SLIT2: variants seen among roughly 807,000 people sequenced by gnomAD.
SLIT2 encodes the protein slit homolog 2 protein.
Under a neutral mutation model 185.7 loss-of-function variants are expected in SLIT2, and 41 were observed. The observed-to-expected ratio is 0.22, with a 90% CI of 0.17 to 0.29. The LOEUF (loss-of-function observed/expected upper bound fraction) is 0.29, where lower values mean the gene tolerates loss of function less well. SLIT2 is among the 10% of genes least tolerant of loss of function. The probability of loss-of-function intolerance (pLI) is 1.00; values close to 1 mark genes in which losing one functional copy is unlikely to be tolerated. For synonymous variants in SLIT2, 693 were observed against 680.2 expected (o/e 1.02, Z -0.29); for missense variants, 1,571 against 1,909.0 (o/e 0.82, Z 3.30).
intron 4 of SLIT2, among the ~76,000 whole-genome samples, chr4:20,355,033 A>G (rs1722212776): frequency 6.6e-6 from 1 of 152,090 alleles, no homozygotes; most frequent in South Asian, 2.1e-4. Context: ...GTTATTGCTT[A>G]AAATGATTTG....
At chr4:20,514,129 T>C (rs182037898) in intron 11 of SLIT2, among the ~76,000 whole-genome samples, 35 of 152,272 alleles carry the variant, frequency 2.3e-4, no homozygotes, top group Middle Eastern at 6.8e-3. Flanking sequence ...GTATGTAGTT[T>C]ACTACAAAAA....
At chr4:20,584,883 C>T (rs1270136749) in intron 29 of SLIT2, among the ~76,000 whole-genome samples, 4 of 151,946 alleles carry the variant, frequency 2.6e-5, no homozygotes, top group Non-Finnish European at 5.9e-5. Context: ...GGTGAAACCC[C>T]GTCTCTACTT....
At chr4:20,399,742 A>G (rs570550708) in intron 4 of SLIT2, among the ~76,000 whole-genome samples, 11 of 151,800 alleles carry the variant, frequency 7.2e-5, no homozygotes, top group Admixed American at 1.3e-4. Flanking sequence ...CAGTGATATT[A>G]CACTATGTAA....
intron 4 of SLIT2, among the ~76,000 whole-genome samples, chr4:20,432,317 G>C (rs1253712728): frequency 6.6e-6 from 1 of 152,134 alleles, no homozygotes; most frequent in African/African-American, 2.4e-5. Flanking sequence ...AATAGGATTA[G>C]GGGCGTTACG....
intron 4 of SLIT2, among the ~76,000 whole-genome samples, chr4:20,275,038 G>A (rs1054711791): frequency 2.0e-5 from 3 of 151,922 alleles, no homozygotes; most frequent in African/African-American, 2.4e-5. Flanking sequence ...AAAATATATC[G>A]TATACACATA....
intron 4 of SLIT2, among the ~76,000 whole-genome samples, chr4:20,354,906 TGAGAGAGAGAGAGAGA>T (rs35761202): frequency 1.3e-5 from 1 of 76,998 alleles, no homozygotes; most frequent in East Asian, 4.9e-4. Context: ...TGTGTGTGTG[TGAGAGAGAGAGAGAGA>T]GAGAGAGAGA....
chr4:20,277,364 A>C (rs1338644510), intron 4 of SLIT2, among the ~76,000 whole-genome samples: 1 of 152,088 alleles, frequency 6.6e-6, no homozygotes, highest in African/African-American at 2.4e-5. Flanking sequence ...GACCCTTTAA[A>C]AAAATATTAA....
chr4:20,491,792 T>C lies in SLIT2; in HGVS notation c.807T>C (p.Ser269=). The C allele has an allele frequency of 1.2e-6, 2 of 1,613,278 alleles. No individual in the cohort carries two copies. Among genetic ancestry groups the C allele is most frequent in the Non-Finnish European group, 1.7e-6 (2 of 1,179,518 alleles). The stretch of plus-strand genomic sequence containing the variant: ...AGTCATTTATGGCTCCTTCTTGTAG[T>C]GTTTTGCACTGCCCTGCCGCCTGTA... ...GHQSFMAPSC[S]VLHCPAACTC... The change falls in exon 9 of 37, where the codon AGT becomes AGC. Residue 269 remains serine (S), a synonymous_variant. Transcript: ENST00000504154.
intron 9 of SLIT2, among the ~76,000 whole-genome samples, chr4:20,506,118 G>A (rs1719185357): frequency 6.6e-6 from 1 of 151,996 alleles, no homozygotes; most frequent in South Asian, 2.1e-4. Flanking sequence ...CACATACAGT[G>A]ATAAAATGTT....
chr4:20,477,439 T>C (rs2148772038), intron 5 of SLIT2, among the ~76,000 whole-genome samples: 1 of 152,166 alleles, frequency 6.6e-6, no homozygotes, highest in African/African-American at 2.4e-5. Context: ...CCTCGGGTCA[T>C]CCACCTGCCT....
intron 18 of SLIT2, among the ~76,000 whole-genome samples, chr4:20,537,799 C>T (rs1446634279): frequency 6.6e-6 from 1 of 152,076 alleles, no homozygotes; most frequent in Non-Finnish European, 1.5e-5. Context: ...ATTTCCATTC[C>T]CCCTAGGCTT....
chr4:20,590,146 C>T (rs1292281548), intron 30 of SLIT2, among the ~76,000 whole-genome samples: 1 of 152,052 alleles, frequency 6.6e-6, no homozygotes, highest in Non-Finnish European at 1.5e-5. Flanking sequence ...ACATCATGAT[C>T]CGCCCACCTC....
chr4:20,362,494 A>G (rs1441067637), intron 4 of SLIT2, among the ~76,000 whole-genome samples: 1 of 152,048 alleles, frequency 6.6e-6, no homozygotes, highest in Non-Finnish European at 1.5e-5. Context: ...TACAATTTTG[A>G]TCTGGGTTAC....
intron 4 of SLIT2, among the ~76,000 whole-genome samples, chr4:20,352,799 G>A (rs760439829): frequency 1.1e-4 from 17 of 152,138 alleles, no homozygotes; most frequent in Non-Finnish European, 2.2e-4. Context: ...TATAGTCCCA[G>A]CTACTCGGGA....
intron 4 of SLIT2, among the ~76,000 whole-genome samples, chr4:20,329,385 A>G (rs1468777130): frequency 6.6e-6 from 1 of 152,014 alleles, no homozygotes; most frequent in East Asian, 1.9e-4. Flanking sequence ...TCATGTTAGA[A>G]TAACTTTAAT....
intron 26 of SLIT2, among the ~76,000 whole-genome samples, chr4:20,557,257 A>C (rs1418203495): frequency 6.6e-6 from 1 of 152,106 alleles, no homozygotes; most frequent in Non-Finnish European, 1.5e-5. Flanking sequence ...CTTTATTGGA[A>C]GCAGATGTCA....
chr4:20,346,738 C>A (rs1721442988), intron 4 of SLIT2, among the ~76,000 whole-genome samples: 1 of 152,176 alleles, frequency 6.6e-6, no homozygotes, highest in Non-Finnish European at 1.5e-5. Context: ...TGGCCAAAGG[C>A]CTGAGAGCCC....
intron 4 of SLIT2, among the ~76,000 whole-genome samples, chr4:20,288,579 G>A (rs10006750): frequency 0.056 from 8,503 of 152,126 alleles, 279 homozygotes; most frequent in South Asian, 0.17. Context: ...CACTTTTAAG[G>A]TATTCCCTTT....
intron 9 of SLIT2, among the ~76,000 whole-genome samples, chr4:20,495,641 T>C (rs1056399949): frequency 5.3e-5 from 8 of 152,144 alleles, no homozygotes; most frequent in Admixed American, 3.3e-4. Context: ...TTTGCCTAAA[T>C]TGAGAAGGTG....
Sources: gnomAD v4.1 joint callset for allele counts (sites outside exome capture counted in the v4.1 genomes callset) on GRCh38, gnomAD v4.1.1 for gene constraint, MANE v1.5 for transcripts, NCBI Gene and HGNC (gene_info 2026-07-23, HGNC 2026-07-21) for gene names.